The following QRICH1 variants were observed in gnomAD, a reference collection of about 807,000 sequenced individuals.
The protein encoded by QRICH1 is transcriptional regulator QRICH1.
In QRICH1, 16 loss-of-function variants were observed where a neutral mutation model predicts 87.1. The observed-to-expected ratio is 0.18, with a 90% CI of 0.12 to 0.28. The LOEUF is 0.28. Ranked by LOEUF, QRICH1 falls within the 10% of genes least tolerant of loss-of-function variation. The pLI is 1.00. For synonymous variants in QRICH1, 367 were observed against 368.4 expected (o/e 1.00, Z 0.05); for missense variants, 647 against 951.7 (o/e 0.68, Z 4.21).
chr3:49,053,938 T>C (rs2093386641), intron 3 of QRICH1, among the ~76,000 whole-genome samples: 1 of 152,144 alleles, frequency 6.6e-6, no homozygotes, highest in Admixed American at 6.6e-5. Flanking sequence ...TTCATCTCTA[T>C]TCCCCAGCTC....
chr3:49,093,597 CG>C (rs1191237424), intron 1 of QRICH1: 1 of 153,798 alleles, frequency 6.5e-6, no homozygotes, highest in African/African-American at 2.4e-5. Context: ...CAGAGATATC[CG>C]GGCCGGGAAC....
intron 3 of QRICH1, among the ~76,000 whole-genome samples, chr3:49,052,714 A>G (rs768161454): frequency 6.6e-6 from 1 of 151,978 alleles, no homozygotes; most frequent in Non-Finnish European, 1.5e-5. Context: ...CATCTTGGCC[A>G]GGCTGGTCTT....
At chr3:49,066,606 T>C (rs1476861736) in intron 2 of QRICH1, among the ~76,000 whole-genome samples, 2 of 151,980 alleles carry the variant, frequency 1.3e-5, no homozygotes, top group Non-Finnish European at 2.9e-5. Context: ...CTGGGATTAC[T>C]GGCACCTGCC....
chr3:49,080,701 G>T (rs1400722726), intron 1 of QRICH1, among the ~76,000 whole-genome samples: 1 of 151,854 alleles, frequency 6.6e-6, no homozygotes, highest in Admixed American at 6.6e-5. Context: ...AAGTGTAAAG[G>T]ATAATTTCAC....
chr3:49,036,128 T>A (rs1459502932), intron 6 of QRICH1, among the ~76,000 whole-genome samples: 3 of 151,976 alleles, frequency 2.0e-5, no homozygotes, highest in Non-Finnish European at 4.4e-5. Flanking sequence ...CAGACTCTAT[T>A]GACTGAGGGC....
At chr3:49,033,036 T>A in intron 7 of QRICH1, 84 bp downstream of exon 7, 1 of 1,119,296 alleles carries the variant, frequency 8.9e-7, no homozygotes, top group South Asian at 1.8e-5. Context: ...CAAATATATG[T>A]CAGAGGAATT....
At chr3:49,046,872 G>A (rs897941144) in intron 4 of QRICH1, among the ~76,000 whole-genome samples, 197 bp downstream of exon 4, 3 of 152,102 alleles carry the variant, frequency 2.0e-5, no homozygotes, top group African/African-American at 7.2e-5. Flanking sequence ...CTGGTTTTGG[G>A]CAAACCCCAC....
At chr3:49,090,408 G>A (rs896323675) in intron 1 of QRICH1, among the ~76,000 whole-genome samples, 6 of 147,072 alleles carry the variant, frequency 4.1e-5, no homozygotes, top group Non-Finnish European at 8.9e-5. Flanking sequence ...GCAGTGAGCC[G>A]AGATCGTGCC....
At chr3:49,042,657 C>T (rs1418435100) in intron 6 of QRICH1, among the ~76,000 whole-genome samples, 2 of 151,950 alleles carry the variant, frequency 1.3e-5, no homozygotes, top group Non-Finnish European at 2.9e-5. Context: ...ACCACAACCT[C>T]CGACTCCCTG....
intron 1 of QRICH1, chr3:49,092,511 A>C (rs1462038739): frequency 6.6e-6 from 1 of 152,064 alleles, no homozygotes; most frequent in Non-Finnish European, 1.5e-5. Context: ...TTTTATTAAT[A>C]ATTTTAACTT....
chr3:49,074,658 A>G (rs1323361710), intron 2 of QRICH1, among the ~76,000 whole-genome samples: 1 of 151,948 alleles, frequency 6.6e-6, no homozygotes, highest in East Asian at 1.9e-4. Flanking sequence ...CTCTAATTTC[A>G]AAACTATTCA....
intron 3 of QRICH1, among the ~76,000 whole-genome samples, chr3:49,048,498 A>C (rs71615481): frequency 0.073 from 10,729 of 146,198 alleles, 468 homozygotes; most frequent in Middle Eastern, 0.1. Flanking sequence ...AAAAAAAAAA[A>C]CCCACCCTGG....
At chr3:49,079,050 T>C (rs2042007388) in intron 1 of QRICH1, among the ~76,000 whole-genome samples, 1 of 151,940 alleles carries the variant, frequency 6.6e-6, no homozygotes, top group African/African-American at 2.4e-5. Flanking sequence ...CCAGGCAACA[T>C]GGAGAAACCC....
intron 2 of QRICH1, among the ~76,000 whole-genome samples, chr3:49,063,062 T>C (rs1481618783): frequency 6.6e-6 from 1 of 152,132 alleles, no homozygotes; most frequent in Non-Finnish European, 1.5e-5. Flanking sequence ...GCTGCACTTT[T>C]CTGCCTGTGA....
chr3:49,032,420 T>C (rs1295798760), intron 8 of QRICH1, 147 bp from the exon 9 acceptor site: 2 of 842,934 alleles, frequency 2.4e-6, no homozygotes, highest in East Asian at 2.6e-5. Context: ...CAGTGACTAC[T>C]AAGGGAAGAG....
chr3:49,055,012 T>C (rs964781951), intron 3 of QRICH1, among the ~76,000 whole-genome samples: 5 of 152,220 alleles, frequency 3.3e-5, no homozygotes, highest in Admixed American at 3.3e-4. Flanking sequence ...GTCATAATTA[T>C]TCTGCCTTAT....
rs2093248482 is a variant in QRICH1 at position 49,032,605 on chromosome 3, C to CTGTTT, written c.2047+16_2047+17insAAACA. On this transcript the variant is annotated intron_variant, in intron 8 of 9. Transcript: ENST00000395443. Reference sequence around the variant, plus strand: ...CAAGTAGCACCTGTTTTTGCCATCCCTGCCTCCTTTCCCTACCTTTCTGGC... The same window carrying CTGTTT: ...CAAGTAGCACCTGTTTTTGCCATCCCTGTTTTGCCTCCTTTCCCTACCTTTCTGGC... The CTGTTT allele has an allele frequency of 6.4e-7, 1 of 1,551,830 alleles. No individual in the cohort carries two copies. Among genetic ancestry groups the CTGTTT allele is most frequent in the African/African-American group, 1.4e-5 (1 of 72,764 alleles).
intron 2 of QRICH1, among the ~76,000 whole-genome samples, chr3:49,061,776 A>C (rs879841207): frequency 3.3e-5 from 5 of 152,112 alleles, no homozygotes; most frequent in Admixed American, 2.0e-4. Context: ...TACTAAACCC[A>C]GGAGGTGGGG....
chr3:49,088,616 C>CTGT (rs1454281685), intron 1 of QRICH1, among the ~76,000 whole-genome samples: 4 of 123,428 alleles, frequency 3.2e-5, no homozygotes, highest in African/African-American at 1.2e-4. Flanking sequence ...AGGCTTTTGT[C>CTGT]TGTTTTTTTT....
Sources: gnomAD v4.1 joint callset for allele counts (sites outside exome capture counted in the v4.1 genomes callset) on GRCh38, gnomAD v4.1.1 for gene constraint, MANE v1.5 for transcripts, NCBI Gene and HGNC (gene_info 2026-07-23, HGNC 2026-07-21) for gene names.